Variants in PDE4B observed in about 807,000 individuals in gnomAD.
PDE4B encodes phosphodiesterase 4B.
In PDE4B, 20 loss-of-function variants were observed where a neutral mutation model predicts 82.2. That is an observed-to-expected ratio of 0.24 (90% CI 0.17 to 0.35). The LOEUF is 0.35. Among genes scored for constraint, PDE4B ranks in the 10% least tolerant of loss-of-function variants. The probability of loss-of-function intolerance (pLI) is 1.00; values close to 1 mark genes in which losing one functional copy is unlikely to be tolerated. For missense variants in PDE4B, 655 were observed against 907.2 expected (o/e 0.72, Z 3.57); for synonymous variants, 320 against 318.9 (o/e 1.00, Z -0.04).
In PDE4B at chr1:66,219,460, GCTAT is replaced by G. The variant is rs201056660; in HGVS notation, c.282-27997_282-27994del. On this transcript the variant is annotated intron_variant, in intron 3 of 16. Transcript: ENST00000341517. Reference sequence around the variant, plus strand: ...ATTGTGGTTTCAGTTGTGAAGATGTGCTATCTGTTTCCATTCTGCCTGTGGTGTT... The same window carrying G: ...ATTGTGGTTTCAGTTGTGAAGATGTGCTGTTTCCATTCTGCCTGTGGTGTT... Among the ~76,000 whole-genome samples, 989 of 152,246 alleles carry G rather than the reference GCTAT, an allele frequency of 6.5e-3. 10 individuals are homozygous for G. The highest frequency in any genetic ancestry group is 0.022 in the African/African-American group (905 of 41,556).
intron 3 of PDE4B, among the ~76,000 whole-genome samples, chr1:66,102,250 A>G (rs950214503): frequency 5.9e-5 from 9 of 152,062 alleles, no homozygotes; most frequent in Non-Finnish European, 8.8e-5. Context: ...TTTAAGAAGA[A>G]GATTTCTGCA....
chr1:66,101,154 C>T (rs542023942), intron 3 of PDE4B, among the ~76,000 whole-genome samples: 1 of 152,280 alleles, frequency 6.6e-6, no homozygotes, highest in Admixed American at 6.5e-5. Flanking sequence ...CTAGAAAGGA[C>T]ATAAACTCAA....
At chr1:65,927,260 C>A (rs181252395) in intron 3 of PDE4B, among the ~76,000 whole-genome samples, 32 of 151,458 alleles carry the variant, frequency 2.1e-4, no homozygotes, top group Admixed American at 9.2e-4. Flanking sequence ...ATAACTGTTT[C>A]AAGCAATACC....
chr1:66,290,151 G>T (rs747117159), intron 7 of PDE4B, among the ~76,000 whole-genome samples: 1 of 152,156 alleles, frequency 6.6e-6, no homozygotes, highest in Non-Finnish European at 1.5e-5. Flanking sequence ...GCAGAGAAAA[G>T]ATTAGGCAGA....
intron 3 of PDE4B, among the ~76,000 whole-genome samples, chr1:65,937,771 G>A (rs991707047): frequency 4.6e-5 from 7 of 152,050 alleles, no homozygotes; most frequent in African/African-American, 1.2e-4. Flanking sequence ...CACTTATTCC[G>A]GTATCAGCCA....
intron 7 of PDE4B, among the ~76,000 whole-genome samples, chr1:66,322,784 G>A (rs1659501189): frequency 3.3e-5 from 5 of 151,898 alleles, no homozygotes. Flanking sequence ...CAGCAACTAG[G>A]ATGGATAATT....
rs200595898 is a variant in PDE4B at position 66,114,658 on chromosome 1, C to T, written c.282-132802C>T. Among the ~76,000 whole-genome samples the T allele has an allele frequency of 5.0e-4, 66 of 130,770 alleles. 1 individual carries two copies. In the East Asian group the frequency reaches 0.012, roughly 23 times the overall value. The allele number at this position is 130,770 out of a possible 152,430, so 85.8% of individuals were successfully genotyped here. On this transcript the variant is annotated intron_variant, in intron 3 of 16. Coordinates refer to ENST00000341517, the MANE Select transcript of PDE4B (RefSeq NM_002600.4). ...TTTTTTTTTTTTTTTTTTTTTGAGA[C>T]GGAGTCTGGCTGTGACACCCAGGCT...
At chr1:66,069,104 T>G (rs905719576) in intron 3 of PDE4B, among the ~76,000 whole-genome samples, 1 of 152,054 alleles carries the variant, frequency 6.6e-6, no homozygotes, top group Non-Finnish European at 1.5e-5. Context: ...CCTGTTTCTG[T>G]TCGGTAACTG....
chr1:65,913,113 G>T, intron 1 of PDE4B, 132 bp from the exon 2 acceptor site: 3 of 442,840 alleles, frequency 6.8e-6, no homozygotes, highest in Non-Finnish European at 8.0e-6. Context: ...AACTTAATTG[G>T]CTTGGGAAAT....
intron 13 of PDE4B, among the ~76,000 whole-genome samples, chr1:66,366,366 T>A (rs1387121193): frequency 1.3e-5 from 2 of 152,156 alleles, no homozygotes; most frequent in Non-Finnish European, 2.9e-5. Flanking sequence ...TTCCAAGCCA[T>A]ACTCAAAGCT....
chr1:66,140,983 A>G (rs1646159234), intron 3 of PDE4B, among the ~76,000 whole-genome samples: 1 of 152,168 alleles, frequency 6.6e-6, no homozygotes, highest in Admixed American at 6.5e-5. Context: ...CTCTGTCTGA[A>G]TACAGTAGTT....
chr1:66,112,143 GTAAC>G (rs1166228954), intron 3 of PDE4B, among the ~76,000 whole-genome samples: 1 of 152,110 alleles, frequency 6.6e-6, no homozygotes, highest in Non-Finnish European at 1.5e-5. Context: ...TAAAAAAACT[GTAAC>G]TAACTGAGTC....
At chr1:65,880,041 A>G (rs1017701098) in intron 1 of PDE4B, among the ~76,000 whole-genome samples, 1 of 152,218 alleles carries the variant, frequency 6.6e-6, no homozygotes, top group African/African-American at 2.4e-5. Flanking sequence ...TTACTACAAG[A>G]CTTGCAAAGG....
chr1:66,367,194 G>C (rs1663315491), intron 13 of PDE4B, among the ~76,000 whole-genome samples: 1 of 152,162 alleles, frequency 6.6e-6, no homozygotes, highest in Non-Finnish European at 1.5e-5. Flanking sequence ...AAAAGTGACA[G>C]TATTTGGGTA....
At chr1:66,047,778 T>G (rs557746221) in intron 3 of PDE4B, among the ~76,000 whole-genome samples, 1 of 152,052 alleles carries the variant, frequency 6.6e-6, no homozygotes, top group East Asian at 1.9e-4. Flanking sequence ...TTCCTACTTT[T>G]GTGGTATAAG....
intron 3 of PDE4B, among the ~76,000 whole-genome samples, chr1:66,048,271 C>T (rs1167375015): frequency 1.3e-5 from 2 of 151,888 alleles, no homozygotes; most frequent in Non-Finnish European, 1.5e-5. Context: ...GCACCACCCC[C>T]ATACTCCAAG....
rs145534465 is a variant in PDE4B at position 65,903,137 on chromosome 1, T to C, written c.-70-10108T>C. 6.8e-3 allele frequency among the ~76,000 whole-genome samples: 1,041 copies of C among 152,292 alleles called. 13 individuals carry two copies. Among genetic ancestry groups the C allele is most frequent in the African/African-American group, 0.023 (949 of 41,570 alleles). On this transcript the variant is annotated intron_variant, in intron 1 of 16. Transcript: ENST00000341517. ...AGCACTACTGTAGTGGTTTTCAAGC[T>C]TTTCTTTTTAAGTGGCAGAACTTCT...
intron 3 of PDE4B, among the ~76,000 whole-genome samples, chr1:66,144,802 A>G (rs1646238397): frequency 6.6e-6 from 1 of 152,238 alleles, no homozygotes; most frequent in African/African-American, 2.4e-5. Flanking sequence ...GAGTTAAAGG[A>G]GCACAAAATT....
rs886356479 is a variant in PDE4B, at chr1:66,020,262, C to T, written c.281+101427C>T. Among the ~76,000 whole-genome samples, 5 of 151,888 alleles carry T rather than the reference C, an allele frequency of 3.3e-5. No homozygotes were observed. The South Asian group carries it at 6.2e-4, about 19-fold the overall frequency. On this transcript the variant is annotated intron_variant, in intron 3 of 16. Coordinates refer to ENST00000341517, the MANE Select transcript of PDE4B (RefSeq NM_002600.4). Reference sequence around the variant, plus strand: ...AGGTGTCTGGCATAAAAATAGTGAACGTTAGGAAGGTAGGATTCCTGGTAT... The same window carrying T: ...AGGTGTCTGGCATAAAAATAGTGAATGTTAGGAAGGTAGGATTCCTGGTAT...
Sources: allele counts gnomAD v4.1 joint callset (sites outside exome capture counted in the v4.1 genomes callset), GRCh38; gene constraint gnomAD v4.1.1; transcripts MANE v1.5; gene names NCBI Gene and HGNC (gene_info 2026-07-23, HGNC 2026-07-21).